The following FGF14 variants were observed in gnomAD, a reference collection of about 807,000 sequenced individuals.
FGF14 encodes fibroblast growth factor 14.
FGF14 carries 5 observed loss-of-function variants against 25.5 expected under a neutral mutation model. The observed-to-expected ratio is 0.20, with a 90% CI of 0.10 to 0.41. The LOEUF (loss-of-function observed/expected upper bound fraction) is 0.41. Ranked by LOEUF, FGF14 falls within the 10% of genes least tolerant of loss-of-function variation. FGF14 has a pLI of 1.00. For synonymous variants in FGF14, 138 were observed against 118.3 expected (o/e 1.17, Z -1.08); for missense variants, 222 against 320.1 (o/e 0.69, Z 2.34).
chr13:102,136,788 G>A (rs1322830492), intron 1 of FGF14, among the ~76,000 whole-genome samples: 1 of 152,068 alleles, frequency 6.6e-6, no homozygotes, highest in African/African-American at 2.4e-5. Flanking sequence ...AATAAAAGTG[G>A]CATATTCTTC....
intron 1 of FGF14, among the ~76,000 whole-genome samples, chr13:102,058,689 C>T (rs1182727421): frequency 2.0e-5 from 3 of 152,072 alleles, no homozygotes; most frequent in Admixed American, 2.0e-4. Flanking sequence ...TAATGCAATA[C>T]CTAGTTTGTA....
At chr13:102,092,452 G>A (rs901896246) in intron 1 of FGF14, among the ~76,000 whole-genome samples, 1 of 152,118 alleles carries the variant, frequency 6.6e-6, no homozygotes, top group Non-Finnish European at 1.5e-5. Context: ...AGGCAGAAGA[G>A]GCCATTTCCT....
chr13:102,137,632 G>T (rs962482288), intron 1 of FGF14, among the ~76,000 whole-genome samples: 1 of 152,108 alleles, frequency 6.6e-6, no homozygotes, highest in East Asian at 1.9e-4. Flanking sequence ...TACTTTCCAG[G>T]CATAATAATT....
At chr13:102,325,074 T>C (rs1021001035) in intron 1 of FGF14, among the ~76,000 whole-genome samples, 3 of 152,028 alleles carry the variant, frequency 2.0e-5, no homozygotes, top group African/African-American at 4.8e-5. Context: ...CTTGCAATCA[T>C]AGCACATCAA....
chr13:102,091,254 A>G (rs942145745), intron 1 of FGF14, among the ~76,000 whole-genome samples: 1 of 152,160 alleles, frequency 6.6e-6, no homozygotes, highest in Non-Finnish European at 1.5e-5. Context: ...TTGCACTTCT[A>G]TGCTCTGCTT....
intron 1 of FGF14, among the ~76,000 whole-genome samples, chr13:102,087,923 T>C (rs537272676): frequency 1.1e-4 from 17 of 152,174 alleles, no homozygotes; most frequent in Non-Finnish European, 1.6e-4. Flanking sequence ...TAGAAGATGA[T>C]ATGTATGCAG....
rs11315735 is a variant in FGF14, at chr13:101,884,062, C to CAAAAAAAAAAAAAAAAAAAAAAA, written c.194-8789_194-8767dup. On this transcript the variant is annotated intron_variant, in intron 1 of 4. Coordinates refer to ENST00000376143, the MANE Select transcript of FGF14 (RefSeq NM_004115.4). ...TGGGCAACAGAGTAAGACTCCATCT[C>CAAAAAAAAAAAAAAAAAAAAAAA]AAAAAAAAAAAAAAAAAAAAAAAAA... is the stretch of plus-strand genomic sequence containing the variant. Among the ~76,000 whole-genome samples the CAAAAAAAAAAAAAAAAAAAAAAA allele has an allele frequency of 2.0e-3, 77 of 37,834 alleles. 2 individuals are homozygous for CAAAAAAAAAAAAAAAAAAAAAAA. The highest frequency in any genetic ancestry group is 2.6e-3 in the Non-Finnish European group (57 of 21,880). 24.8% of individuals were successfully genotyped at this position (37,834 alleles called of 152,430 possible).
At chr13:101,972,153 A>T (rs1290327296) in intron 1 of FGF14, among the ~76,000 whole-genome samples, 3 of 152,256 alleles carry the variant, frequency 2.0e-5, no homozygotes, top group Non-Finnish European at 4.4e-5. Flanking sequence ...ATGAAAGATT[A>T]CATGCTTTAA....
intron 1 of FGF14, among the ~76,000 whole-genome samples, chr13:101,926,570 T>A (rs1263885862): frequency 6.6e-6 from 1 of 152,264 alleles, no homozygotes. Context: ...ATTGTGAGAA[T>A]GCATTTTTCT....
intron 3 of FGF14, among the ~76,000 whole-genome samples, chr13:101,787,688 T>C (rs1401669519): frequency 6.6e-6 from 1 of 152,078 alleles, no homozygotes; most frequent in East Asian, 1.9e-4. Context: ...TCCTACCCGG[T>C]GCCTCCAAGC....
intron 1 of FGF14, among the ~76,000 whole-genome samples, chr13:102,397,900 T>C (rs993248700): frequency 7.2e-5 from 11 of 152,158 alleles, no homozygotes; most frequent in Non-Finnish European, 1.5e-4. Flanking sequence ...CCCTATTTAA[T>C]GATTTGCCTA....
At chr13:101,866,008 C>T (rs1446648534) in intron 3 of FGF14, among the ~76,000 whole-genome samples, 3 of 151,906 alleles carry the variant, frequency 2.0e-5, no homozygotes, top group Admixed American at 2.0e-4. Context: ...TAGTTCAAAA[C>T]TTCTTAGTTG....
At chr13:101,776,110 A>G (rs956781554) in intron 3 of FGF14, among the ~76,000 whole-genome samples, 5 of 152,152 alleles carry the variant, frequency 3.3e-5, no homozygotes, top group African/African-American at 1.2e-4. Context: ...AACATTACAC[A>G]TAGGTATCCA....
chr13:102,067,681 G>C (rs1004700493), intron 1 of FGF14, among the ~76,000 whole-genome samples: 2 of 150,616 alleles, frequency 1.3e-5, no homozygotes, highest in African/African-American at 4.9e-5. Flanking sequence ...GGCAAATCTA[G>C]TACTTACTGG....
intron 1 of FGF14, among the ~76,000 whole-genome samples, chr13:102,159,139 C>CA (rs1228096265): frequency 0.19 from 13,846 of 71,902 alleles, 859 homozygotes; most frequent in Non-Finnish European, 0.22. Flanking sequence ...GACTCTGTCT[C>CA]AAAAAAAAAA....
At chr13:102,068,557 T>C (rs1287992433) in intron 1 of FGF14, among the ~76,000 whole-genome samples, 7 of 152,158 alleles carry the variant, frequency 4.6e-5, no homozygotes, top group Non-Finnish European at 1.0e-4. Context: ...TTGGCGGGCC[T>C]GCACTCGGAG....
intron 1 of FGF14, among the ~76,000 whole-genome samples, chr13:102,256,479 C>G (rs1196671049): frequency 6.6e-6 from 1 of 152,042 alleles, no homozygotes; most frequent in Admixed American, 6.5e-5. Context: ...GCCTGGGTGA[C>G]AGAGCGAGAC....
intron 3 of FGF14, among the ~76,000 whole-genome samples, chr13:101,744,982 T>A (rs1156507598): frequency 6.6e-6 from 1 of 152,028 alleles, no homozygotes; most frequent in African/African-American, 2.4e-5. Context: ...AACACTAGTA[T>A]GTGGTCAGAA....
chr13:102,091,327 A>T (rs1459551749), intron 1 of FGF14, among the ~76,000 whole-genome samples: 1 of 152,086 alleles, frequency 6.6e-6, no homozygotes, highest in East Asian at 1.9e-4. Flanking sequence ...CTCTGTTAGG[A>T]TCTGCCACTA....
Sources: gnomAD v4.1 joint callset for allele counts (sites outside exome capture counted in the v4.1 genomes callset) on GRCh38, gnomAD v4.1.1 for gene constraint, MANE v1.5 for transcripts, NCBI Gene and HGNC (gene_info 2026-07-23, HGNC 2026-07-21) for gene names.